The following SGMS1 variants were observed in gnomAD, a reference collection of about 807,000 sequenced individuals.
SGMS1 encodes the protein sphingomyelin synthase 1.
In SGMS1, 13 loss-of-function variants were observed where a neutral mutation model predicts 46.2. The ratio of observed to expected loss-of-function variants is 0.28; its 90% CI spans 0.18 to 0.45. The LOEUF is 0.45. Among genes scored for constraint, SGMS1 ranks in the 20% least tolerant of loss-of-function variants. The pLI is 1.00. For missense variants in SGMS1, 324 were observed against 519.9 expected (o/e 0.62, Z 3.66); for synonymous variants, 203 against 187.8 (o/e 1.08, Z -0.66).
At chr10:50,622,946 C>G (rs1377046299) in intron 1 of SGMS1, among the ~76,000 whole-genome samples, 2 of 152,244 alleles carry the variant, frequency 1.3e-5, no homozygotes, top group Non-Finnish European at 2.9e-5. Context: ...CAGACCCCCT[C>G]TGTCACGGAA....
At chr10:50,446,655 G>T (rs1339681360) in intron 5 of SGMS1, among the ~76,000 whole-genome samples, 4 of 152,148 alleles carry the variant, frequency 2.6e-5, no homozygotes, top group African/African-American at 7.2e-5. Flanking sequence ...AGGAGCATAA[G>T]CACACTCAGT....
chr10:50,366,556 G>T (rs1241725595), intron 6 of SGMS1, among the ~76,000 whole-genome samples: 1 of 152,158 alleles, frequency 6.6e-6, no homozygotes, highest in Non-Finnish European at 1.5e-5. Flanking sequence ...CAACCCAAAT[G>T]TCCAACAATG....
At chr10:50,541,976 G>C (rs1838057371) in intron 2 of SGMS1, among the ~76,000 whole-genome samples, 1 of 152,104 alleles carries the variant, frequency 6.6e-6, no homozygotes, top group South Asian at 2.1e-4. Flanking sequence ...TGAGTATGCT[G>C]GTGTCTAGAA....
intron 6 of SGMS1, among the ~76,000 whole-genome samples, chr10:50,350,609 T>C (rs1010683395): frequency 5.9e-5 from 9 of 152,122 alleles, no homozygotes; most frequent in Non-Finnish European, 4.4e-5. Flanking sequence ...TGGTGCCCTG[T>C]GTCCCAGGCA....
intron 3 of SGMS1, among the ~76,000 whole-genome samples, chr10:50,486,658 A>G (rs1837523639): frequency 6.6e-6 from 1 of 152,206 alleles, no homozygotes; most frequent in Admixed American, 6.5e-5. Flanking sequence ...GTCAAGAAAC[A>G]ACAGATGCTG....
chr10:50,365,963 A>G (rs147347411), intron 6 of SGMS1, among the ~76,000 whole-genome samples: 62 of 152,258 alleles, frequency 4.1e-4, no homozygotes, highest in African/African-American at 1.2e-3. Flanking sequence ...TACTGGGTCA[A>G]ATGGTAAAAT....
chr10:50,457,048 T>G (rs1837200486), intron 5 of SGMS1, among the ~76,000 whole-genome samples: 3 of 152,182 alleles, frequency 2.0e-5, no homozygotes, highest in Admixed American at 1.3e-4. Context: ...ATGTTCTTGT[T>G]TTTTAGAGAG....
At chr10:50,473,217 T>A (rs1334117073) in intron 3 of SGMS1, among the ~76,000 whole-genome samples, 1 of 152,202 alleles carries the variant, frequency 6.6e-6, no homozygotes, top group Admixed American at 6.5e-5. Flanking sequence ...TCTGGAACAG[T>A]AATACTCTCT....
At chr10:50,433,957 C>T (rs1200266895) in intron 5 of SGMS1, among the ~76,000 whole-genome samples, 1 of 152,168 alleles carries the variant, frequency 6.6e-6, no homozygotes, top group Non-Finnish European at 1.5e-5. Context: ...AAACGAGACA[C>T]CAAATGATTT....
In SGMS1 at chr10:50,491,343, A is replaced by C. The variant is rs531803341; in HGVS notation, c.-497-24411T>G. On this transcript the variant is annotated intron_variant, in intron 3 of 10. Transcript: ENST00000361781. ...ACTCTAGCCTGGGTGACAGAGTGAA[A>C]CCTTTTCTCTTAAAAATAAATAAAT... 8.5e-5 allele frequency among the ~76,000 whole-genome samples: 13 copies of C among 152,274 alleles called. No homozygotes were observed. In the South Asian group the frequency reaches 2.5e-3, roughly 29 times the overall value.
At chr10:50,624,706 C>G (rs1257950231), upstream of SGMS1, 1 of 985,298 alleles carries the variant, frequency 1.0e-6, no homozygotes, top group Non-Finnish European at 1.2e-6. Context: ...TGCAAGTCGC[C>G]TGAAGGAAGG....
intron 1 of SGMS1, among the ~76,000 whole-genome samples, chr10:50,620,096 G>T (rs991678255): frequency 6.6e-6 from 1 of 152,244 alleles, no homozygotes; most frequent in Non-Finnish European, 1.5e-5. Context: ...ACTGAATCCA[G>T]AAGTCAGTTA....
chr10:50,352,145 G>T (rs1848029616), intron 6 of SGMS1, among the ~76,000 whole-genome samples: 1 of 152,148 alleles, frequency 6.6e-6, no homozygotes, highest in African/African-American at 2.4e-5. Context: ...CTGAAATTGT[G>T]CAAAAGAGGG....
chr10:50,355,625 A>G (rs570189701), intron 6 of SGMS1, among the ~76,000 whole-genome samples: 2 of 151,866 alleles, frequency 1.3e-5, no homozygotes, highest in Non-Finnish European at 2.9e-5. Context: ...GCTCGCTACA[A>G]CCTCCACCTC....
chr10:50,380,991 T>C (rs1483331211), intron 6 of SGMS1, among the ~76,000 whole-genome samples: 1 of 149,290 alleles, frequency 6.7e-6, no homozygotes, highest in Non-Finnish European at 1.5e-5. Context: ...CCACCACACC[T>C]GGCTTTTTTT....
intron 1 of SGMS1, among the ~76,000 whole-genome samples, chr10:50,619,669 T>C (rs1313464929): frequency 1.3e-5 from 2 of 152,118 alleles, no homozygotes; most frequent in African/African-American, 4.8e-5. Context: ...AAAAGGTAAA[T>C]CACCCAAATT....
chr10:50,352,951 T>G (rs1441935474), intron 6 of SGMS1, among the ~76,000 whole-genome samples: 1 of 152,054 alleles, frequency 6.6e-6, no homozygotes, highest in African/African-American at 2.4e-5. Context: ...AATCAATAGC[T>G]TACCAACCAA....
At chr10:50,448,100 T>C (rs568421552) in intron 5 of SGMS1, among the ~76,000 whole-genome samples, 1 of 152,278 alleles carries the variant, frequency 6.6e-6, no homozygotes, top group Admixed American at 6.5e-5. Context: ...CATTTTCTCC[T>C]GAGCCTACTT....
At chr10:50,589,565 G>T (rs1838520248) in intron 2 of SGMS1, among the ~76,000 whole-genome samples, 1 of 152,166 alleles carries the variant, frequency 6.6e-6, no homozygotes, top group Non-Finnish European at 1.5e-5. Flanking sequence ...GACTTTGTGG[G>T]CTCAAGCGAT....
Sources: allele counts gnomAD v4.1 joint callset (sites outside exome capture counted in the v4.1 genomes callset), GRCh38; gene constraint gnomAD v4.1.1; transcripts MANE v1.5; gene names NCBI Gene and HGNC (gene_info 2026-07-23, HGNC 2026-07-21).